LRAT: variants seen among roughly 807,000 people sequenced by gnomAD.
The protein encoded by LRAT is lecithin retinol acyltransferase.
LRAT carries 11 observed loss-of-function variants against 14.2 expected under a neutral mutation model. That is an observed-to-expected ratio of 0.78 (90% CI 0.49 to 1.29). The LOEUF is 1.29. Among genes scored for constraint, LRAT ranks in the 50% most tolerant of loss-of-function variants. The pLI is 0.00. For synonymous variants in LRAT, 144 were observed against 124.8 expected, an observed-to-expected ratio of 1.15 and a Z score of -1.03; for missense variants, 274 against 292.4, an observed-to-expected ratio of 0.94 and a Z score of 0.46.
In LRAT at chr4:154,744,623, G is replaced by A; in HGVS notation, c.297G>A (p.Leu99=). The A allele has an allele frequency of 6.2e-7, 1 of 1,614,148 alleles. No individual in the cohort carries two copies. The highest frequency in any genetic ancestry group is 8.5e-7 in the Non-Finnish European group (1 of 1,180,020). The change falls in exon 2 of 3, where the codon CTG becomes CTA. Residue 99 remains leucine, a synonymous_variant. Transcript: ENST00000336356. ...TGGTCTCCAACAAGCGTCTCATCCTGGGCGTTATTGTCAAAGTGGCCAGCA... is the reference window on the plus strand; with the variant it reads ...TGGTCTCCAACAAGCGTCTCATCCTAGGCGTTATTGTCAAAGTGGCCAGCA... ...QKVVSNKRLI[L]GVIVKVASIR... is the part of the protein sequence containing the mutation.
Position 154,750,895 on chromosome 4 carries a change from T to C in LRAT, c.*1759T>C, listed in dbSNP as rs1732977013. ...AATTAATTTTTTTGCAAACTTTAGT[T>C]ATTACAGGCAGCAAAAACCACTGTC... On this transcript the variant is annotated 3_prime_UTR_variant, in exon 3 of 3. Transcript: ENST00000336356. 6.6e-6 allele frequency: 1 copy of C among 152,200 alleles called. No homozygotes were observed. The highest frequency in any genetic ancestry group is 6.5e-5 in the Admixed American group (1 of 15,282). 9.4% of individuals were successfully genotyped at this position (152,200 alleles called of 1,614,324 possible). A position where few individuals can be genotyped will look rare whatever the true frequency, so the allele number is the denominator to read the frequency against.
chr4:154,744,930 T>C (rs1732852030), intron 2 of LRAT, 64 bp downstream of exon 2: 5 of 1,537,448 alleles, frequency 3.3e-6, no homozygotes, highest in Non-Finnish European at 2.7e-6. Flanking sequence ...TCCCTGACCT[T>C]TTCTCTTCCC....
chr4:154,744,315 C>T lies in LRAT; in HGVS notation c.-1-11C>T. ...CACCGGCACCTCTCCAAGACGCCCT[C>T]TTCCCTGCAGGATGAAGAACCCCAT... is the stretch of plus-strand genomic sequence containing the variant. On this transcript the variant is annotated splice_polypyrimidine_tract_variant and intron_variant, in intron 1 of 2. Coordinates refer to ENST00000336356, the MANE Select transcript of LRAT (RefSeq NM_004744.5). The T allele has an allele frequency of 6.2e-7, 1 of 1,613,968 alleles. No homozygotes were observed. Among genetic ancestry groups the T allele is most frequent in the Non-Finnish European group, 8.5e-7 (1 of 1,180,004 alleles).
In LRAT at chr4:154,751,038, T is replaced by C. The variant is rs1732980139; in HGVS notation, c.*1902T>C. The C allele has an allele frequency of 1.3e-5, 2 of 152,208 alleles. 1 individual carries two copies. The highest frequency in any genetic ancestry group is 4.1e-4 in the South Asian group (2 of 4,830). 9.4% of individuals were successfully genotyped at this position (152,208 alleles called of 1,614,324 possible). On this transcript the variant is annotated 3_prime_UTR_variant, in exon 3 of 3. Coordinates refer to ENST00000336356, the MANE Select transcript of LRAT (RefSeq NM_004744.5). Reference sequence around the variant, plus strand: ...TTCATTAAAGCAAGATTCAATTCCTTGTTCATTTGAGTGTTCATTATATGC... The same window carrying C: ...TTCATTAAAGCAAGATTCAATTCCTCGTTCATTTGAGTGTTCATTATATGC...
chr4:154,747,507 A>G (rs1732904906), intron 2 of LRAT, among the ~76,000 whole-genome samples: 2 of 152,054 alleles, frequency 1.3e-5, no homozygotes, highest in Non-Finnish European at 2.9e-5. Context: ...GAAATTTCCT[A>G]CTGTTGAGCA....
chr4:154,750,755 C>T lies in LRAT; in HGVS notation c.*1619C>T, dbSNP rs1420124802. 1 of 152,126 alleles carries T rather than the reference C, an allele frequency of 6.6e-6. No homozygotes were observed. Among genetic ancestry groups the T allele is most frequent in the African/African-American group, 2.4e-5 (1 of 41,430 alleles). 9.4% of individuals were successfully genotyped at this position (152,126 alleles called of 1,614,324 possible). A position where few individuals can be genotyped will look rare whatever the true frequency, so the allele number is the denominator to read the frequency against. On this transcript the variant is annotated 3_prime_UTR_variant, in exon 3 of 3. Transcript: ENST00000336356. ...CTTAAAATTATCTTAAGTATGCATA[C>T]ATAAAAGCAACCACTATGAGAACTA... is the stretch of plus-strand genomic sequence containing the variant.
At position 154,751,358 on chromosome 4, in the gene LRAT, G is replaced by C. The variant is rs940106140; in HGVS notation, c.*2222G>C. 2.0e-5 allele frequency: 3 copies of C among 152,232 alleles called. No homozygotes were observed. Among genetic ancestry groups the C allele is most frequent in the Admixed American group, 6.5e-5 (1 of 15,276 alleles). The allele number at this position is 152,232 out of a possible 1,614,324, so 9.4% of individuals were successfully genotyped here. On this transcript the variant is annotated 3_prime_UTR_variant, in exon 3 of 3. Coordinates refer to ENST00000336356, the MANE Select transcript of LRAT (RefSeq NM_004744.5). ...ACTGTTGAACTTCTTGGGAGAAAAG[G>C]AGAATCTTTGTTTTGTTGTGCTGAG... is the stretch of plus-strand genomic sequence containing the variant.
At chr4:154,747,966 T>C (rs890585550) in intron 2 of LRAT, among the ~76,000 whole-genome samples, 8 of 152,134 alleles carry the variant, frequency 5.3e-5, no homozygotes, top group African/African-American at 1.7e-4. Context: ...CTTAATAATT[T>C]GGAAACCTAG....
In LRAT at chr4:154,744,368, G is replaced by A; in HGVS notation, c.42G>A (p.Glu14=). 1 of 1,614,166 alleles carries A rather than the reference G, an allele frequency of 6.2e-7. No individual in the cohort carries two copies. The highest frequency in any genetic ancestry group is 8.5e-7 in the Non-Finnish European group (1 of 1,180,042). ...TGGAGGTGGTGTCTTTACTACTGGA[G>A]AAGCTGCTCCTCATCTCCAACTTCA... The part of the protein sequence containing the change: ...PMLEVVSLLL[E]KLLLISNFTL... The change falls in exon 2 of 3, where the codon GAG becomes GAA. Residue 14 remains glutamate (E), a synonymous_variant. Coordinates refer to ENST00000336356, the MANE Select transcript of LRAT (RefSeq NM_004744.5).
In LRAT at chr4:154,750,692, C is replaced by T. The variant is rs1732972768; in HGVS notation, c.*1556C>T. 6.6e-6 allele frequency: 1 copy of T among 151,862 alleles called. No individual in the cohort carries two copies. The highest frequency in any genetic ancestry group is 2.1e-4 in the South Asian group (1 of 4,812). The allele number at this position is 151,862 out of a possible 1,614,324, so 9.4% of individuals were successfully genotyped here. On this transcript the variant is annotated 3_prime_UTR_variant, in exon 3 of 3. Transcript: ENST00000336356. ...ATAATTAAAACATTAAATGGCAACA[C>T]CATAGAATATAGGTGTTCTCTGGAC...
chr4:154,748,978 T>C lies in LRAT; in HGVS notation c.541-6T>C. 1 of 1,613,584 alleles carries C rather than the reference T, an allele frequency of 6.2e-7. No individual in the cohort carries two copies. The highest frequency in any genetic ancestry group is 8.5e-7 in the Non-Finnish European group (1 of 1,179,558). On this transcript the variant is annotated splice_polypyrimidine_tract_variant and splice_region_variant and intron_variant, in intron 2 of 2. Transcript: ENST00000336356. ...TTTCCTAATTTTCCAATATTTTATTTTCCAGTTTTGTGAGACTGTGAAGAT... is the reference window on the plus strand; with the variant it reads ...TTTCCTAATTTTCCAATATTTTATTCTCCAGTTTTGTGAGACTGTGAAGAT...
upstream of LRAT, chr4:154,743,945 C>T (rs1159221593): frequency 5.5e-6 from 1 of 182,838 alleles, no homozygotes; most frequent in African/African-American, 2.4e-5. Context: ...CTGTGACGGC[C>T]TTCGGCTCCG....
upstream of LRAT, among the ~76,000 whole-genome samples, chr4:154,742,315 G>T (rs559080617): frequency 2.0e-5 from 3 of 152,072 alleles, no homozygotes; most frequent in Non-Finnish European, 4.4e-5. Flanking sequence ...CCTCTTTGCT[G>T]GGACTATAAT....
Position 154,745,011 on chromosome 4 carries a change from T to TCC in LRAT, c.540+145_540+146insCC, listed in dbSNP as rs1470581174. Reference sequence around the variant, plus strand: ...TACCATCCTTTTTCTTTTTCCTTTTTTTTTTTTTTTTTTTTTTTTTTTTTT... The same window carrying TCC: ...TACCATCCTTTTTCTTTTTCCTTTTTCCTTTTTTTTTTTTTTTTTTTTTTTTT... On this transcript the variant is annotated intron_variant, in intron 2 of 2. Coordinates refer to ENST00000336356, the MANE Select transcript of LRAT (RefSeq NM_004744.5). 4.7e-3 allele frequency: 1,315 copies of TCC among 278,322 alleles called. 4 individuals are homozygous for TCC. The African/African-American group carries it at 0.11, about 23-fold the overall frequency. The allele number at this position is 278,322 out of a possible 1,614,324, so 17.2% of individuals were successfully genotyped here.
At chr4:154,741,448 A>C (rs1732767097), upstream of LRAT, among the ~76,000 whole-genome samples, 2 of 152,212 alleles carry the variant, frequency 1.3e-5, no homozygotes, top group Admixed American at 1.3e-4. Flanking sequence ...TAAATCACTT[A>C]ATGGCATAAC....
rs146990234 is a variant in LRAT at position 154,749,440 on chromosome 4, G to GT, written c.*313dup. 2,310 of 335,854 alleles carry GT rather than the reference G, an allele frequency of 6.9e-3. No individual in the cohort carries two copies. Among genetic ancestry groups the GT allele is most frequent in the South Asian group, 0.011 (347 of 32,734 alleles). 20.8% of individuals were successfully genotyped at this position (335,854 alleles called of 1,614,324 possible). ...ATGATAGCCACAAGAGATTAATTGT[G>GT]TTTTTTTTTCTCCTGTAATCCTTGT... On this transcript the variant is annotated 3_prime_UTR_variant, in exon 3 of 3. Transcript: ENST00000336356.
At position 154,744,852 on chromosome 4, in the gene LRAT, C is replaced by A; in HGVS notation, c.526C>A (p.Pro176Thr). The A allele has an allele frequency of 6.2e-7, 1 of 1,613,362 alleles. No individual in the cohort carries two copies. Among genetic ancestry groups the A allele is most frequent in the Non-Finnish European group, 8.5e-7 (1 of 1,179,998 alleles). ...TYCRYGTPIS[P>T]QSDKFCETVK... ...CTGCAGATATGGCACCCCGATCAGT[C>A]CCCAGTCCGACAAGGTATGATGTGT... Residue 176 changes from proline to threonine, a missense_variant, in exon 2 of 3, where the codon CCC becomes ACC. By Grantham distance (38) the Pro-to-Thr change is conservative (BLOSUM62 -1). Coordinates refer to ENST00000336356, the MANE Select transcript of LRAT (RefSeq NM_004744.5).
At chr4:154,746,028 T>C (rs999468349) in intron 2 of LRAT, among the ~76,000 whole-genome samples, 1 of 152,206 alleles carries the variant, frequency 6.6e-6, no homozygotes, top group African/African-American at 2.4e-5. Flanking sequence ...GATTATTAAA[T>C]TAGCCACAAA....
At chr4:154,741,927 A>G (rs1043527689), upstream of LRAT, among the ~76,000 whole-genome samples, 70 of 152,146 alleles carry the variant, frequency 4.6e-4, no homozygotes, top group African/African-American at 1.6e-3. Flanking sequence ...CTTAGTGACC[A>G]CCAGGGACGG....
Sources: allele counts gnomAD v4.1 joint callset (sites outside exome capture counted in the v4.1 genomes callset), GRCh38; gene constraint gnomAD v4.1.1; transcripts MANE v1.5; gene names NCBI Gene and HGNC (gene_info 2026-07-23, HGNC 2026-07-21).